MAGI2: variants seen among roughly 807,000 people sequenced by gnomAD.
The protein encoded by MAGI2 is membrane associated guanylate kinase, WW and PDZ domain containing 2.
MAGI2 carries 35 observed loss-of-function variants against 133.3 expected under a neutral mutation model. The observed-to-expected ratio is 0.26, with a 90% CI of 0.20 to 0.35. The LOEUF is 0.35. MAGI2 is among the 10% of genes least tolerant of loss of function. The pLI is 1.00. For synonymous variants in MAGI2, 729 were observed against 710.6 expected (o/e 1.03, Z -0.41); for missense variants, 1,636 against 1,863.4 (o/e 0.88, Z 2.25).
Position 79,307,098 on chromosome 7 carries a change from T to TA in MAGI2, c.301+145921dup, listed in dbSNP as rs141157941. ...GGTATCTCACAAAAATATAATGACT[T>TA]ACACTGAGCAGCAGGAGTGGTAGGG... On this transcript the variant is annotated intron_variant, in intron 1 of 21. Transcript: ENST00000354212. Among the ~76,000 whole-genome samples the TA allele has an allele frequency of 9.4e-3, 1,435 of 152,302 alleles. 29 individuals carry two copies. The highest frequency in any genetic ancestry group is 0.031 in the African/African-American group (1,284 of 41,572).
At chr7:79,183,954 G>A (rs894060325) in intron 1 of MAGI2, among the ~76,000 whole-genome samples, 5 of 151,628 alleles carry the variant, frequency 3.3e-5, no homozygotes, top group African/African-American at 1.2e-4. Flanking sequence ...TAGAAGTAGA[G>A]AGTAGAATGA....
intron 1 of MAGI2, among the ~76,000 whole-genome samples, chr7:79,385,181 T>C (rs1844086550): frequency 6.6e-6 from 1 of 151,836 alleles, no homozygotes; most frequent in African/African-American, 2.4e-5. Context: ...AAATGGAATG[T>C]TGTAATGGAC....
At chr7:78,079,112 G>T (rs760387259) in intron 20 of MAGI2, 27 bp from the exon 21 acceptor site, 29 of 1,608,298 alleles carry the variant, frequency 1.8e-5, no homozygotes, top group East Asian at 1.1e-4. Context: ...AATTAAGTCA[G>T]CCAAAGATGG....
At chr7:78,525,464 T>A (rs1363595143) in intron 3 of MAGI2, among the ~76,000 whole-genome samples, 1 of 152,158 alleles carries the variant, frequency 6.6e-6, no homozygotes, top group East Asian at 1.9e-4. Context: ...GGATAAAATG[T>A]GCCTTTTAGG....
At chr7:78,567,327 A>C (rs1051663882) in intron 3 of MAGI2, among the ~76,000 whole-genome samples, 3 of 152,028 alleles carry the variant, frequency 2.0e-5, no homozygotes, top group Non-Finnish European at 4.4e-5. Context: ...CTGACACACA[A>C]AAAAAGATGC....
intron 10 of MAGI2, among the ~76,000 whole-genome samples, chr7:78,220,710 GAGCA>G (rs1788723968): frequency 6.6e-6 from 1 of 152,138 alleles, no homozygotes; most frequent in African/African-American, 2.4e-5. Flanking sequence ...GAGTGGACTG[GAGCA>G]AACATTTGCC....
At chr7:78,692,061 A>G (rs1460821727) in intron 2 of MAGI2, among the ~76,000 whole-genome samples, 1 of 152,168 alleles carries the variant, frequency 6.6e-6, no homozygotes, top group Non-Finnish European at 1.5e-5. Context: ...ACTGCTCTAA[A>G]AAAAAATAAG....
chr7:78,492,121 CAG>C lies in MAGI2; in HGVS notation c.966-2283_966-2282del, dbSNP rs571628850. On this transcript the variant is annotated intron_variant, in intron 5 of 21. Transcript: ENST00000354212. ...TTAAGGGAACATTACTAAGCCACTG[CAG>C]AGAGTCAAATTACCATTCCTATTGC... Among the ~76,000 whole-genome samples the C allele has an allele frequency of 2.8e-3, 419 of 152,146 alleles. 3 individuals are homozygous for C. The highest frequency in any genetic ancestry group is 9.6e-3 in the African/African-American group (397 of 41,518).
intron 1 of MAGI2, among the ~76,000 whole-genome samples, chr7:79,119,482 A>C (rs1819700531): frequency 1.3e-5 from 2 of 152,126 alleles, no homozygotes; most frequent in Non-Finnish European, 2.9e-5. Flanking sequence ...AATCCAAGCT[A>C]AAAAACTGAA....
chr7:78,911,232 CT>C (rs921282512), intron 2 of MAGI2, among the ~76,000 whole-genome samples: 11 of 151,454 alleles, frequency 7.3e-5, no homozygotes, highest in African/African-American at 1.7e-4. Flanking sequence ...TTGAGGGTGA[CT>C]TTTTTTTTCA....
chr7:78,820,050 A>G (rs1013276846), intron 2 of MAGI2, among the ~76,000 whole-genome samples: 2 of 151,976 alleles, frequency 1.3e-5, no homozygotes, highest in African/African-American at 4.8e-5. Context: ...ACAGAGGAGA[A>G]AGTTTGATGT....
At chr7:79,018,929 C>T (rs1180438443) in intron 1 of MAGI2, among the ~76,000 whole-genome samples, 1 of 151,988 alleles carries the variant, frequency 6.6e-6, no homozygotes, top group African/African-American at 2.4e-5. Flanking sequence ...TAGATAACCA[C>T]AAAAGAATAA....
chr7:78,183,161 A>G (rs1156912562), intron 13 of MAGI2, among the ~76,000 whole-genome samples: 2 of 152,248 alleles, frequency 1.3e-5, no homozygotes, highest in African/African-American at 4.8e-5. Context: ...TATAATTATG[A>G]TAAACGTATC....
intron 1 of MAGI2, among the ~76,000 whole-genome samples, chr7:79,052,060 C>G (rs544844452): frequency 2.0e-5 from 3 of 152,190 alleles, no homozygotes; most frequent in African/African-American, 7.2e-5. Flanking sequence ...ATAGCACACC[C>G]TCTCTCAGGG....
chr7:78,225,078 C>T (rs945514440), intron 10 of MAGI2, among the ~76,000 whole-genome samples: 1 of 152,142 alleles, frequency 6.6e-6, no homozygotes, highest in African/African-American at 2.4e-5. Context: ...CTTCTGCACA[C>T]TGCTTCCCTG....
At chr7:78,859,938 C>CT (rs2151498137) in intron 2 of MAGI2, among the ~76,000 whole-genome samples, 1 of 152,208 alleles carries the variant, frequency 6.6e-6, no homozygotes, top group African/African-American at 2.4e-5. Context: ...TTGTTCATTT[C>CT]TTTTTACTCT....
At chr7:78,172,706 A>G (rs1290271938) in intron 14 of MAGI2, among the ~76,000 whole-genome samples, 2 of 152,102 alleles carry the variant, frequency 1.3e-5, no homozygotes, top group Non-Finnish European at 2.9e-5. Flanking sequence ...AGAGGCAGAA[A>G]CCCATTTGAT....
intron 9 of MAGI2, among the ~76,000 whole-genome samples, chr7:78,270,771 A>C (rs1794486012): frequency 6.6e-6 from 1 of 152,032 alleles, no homozygotes; most frequent in Non-Finnish European, 1.5e-5. Flanking sequence ...ACTTGAACTC[A>C]GCTCTGGACC....
intron 7 of MAGI2, chr7:78,350,075 G>A (rs1388733128): frequency 1.3e-5 from 2 of 152,200 alleles, no homozygotes; most frequent in Non-Finnish European, 2.9e-5. Flanking sequence ...AAAAGCGTAA[G>A]AGTCATATTC....
Sources: gnomAD v4.1 joint callset for allele counts (sites outside exome capture counted in the v4.1 genomes callset) on GRCh38, gnomAD v4.1.1 for gene constraint, MANE v1.5 for transcripts, NCBI Gene and HGNC (gene_info 2026-07-23, HGNC 2026-07-21) for gene names.